The following CPQ variants were observed in gnomAD, a reference collection of about 807,000 sequenced individuals.
CPQ encodes Ser-Met dipeptidase.
Under a neutral mutation model 45.7 loss-of-function variants are expected in CPQ, and 37 were observed. The ratio of observed to expected loss-of-function variants is 0.81; its 90% CI spans 0.62 to 1.07. The LOEUF (loss-of-function observed/expected upper bound fraction) is 1.07, where lower values mean the gene tolerates loss of function less well. CPQ is among the 50% of genes least tolerant of loss of function. The probability of loss-of-function intolerance (pLI) is 0.00; values close to 1 mark genes in which losing one functional copy is unlikely to be tolerated. For missense variants in CPQ, 537 were observed against 572.9 expected (o/e 0.94, Z 0.64); for synonymous variants, 186 against 205.8 (o/e 0.90, Z 0.82).
At chr8:96,978,206 C>T (rs544619442) in intron 5 of CPQ, among the ~76,000 whole-genome samples, 2 of 152,134 alleles carry the variant, frequency 1.3e-5, no homozygotes, top group South Asian at 4.1e-4. Context: ...TTGCTGAGAG[C>T]TTTTCCTAAG....
chr8:96,959,071 A>G (rs1813407247), intron 4 of CPQ, among the ~76,000 whole-genome samples: 1 of 152,192 alleles, frequency 6.6e-6, no homozygotes. Flanking sequence ...GTTCAAACAT[A>G]GTCCCTTTTG....
At chr8:97,133,579 C>A (rs778864526) in intron 7 of CPQ, among the ~76,000 whole-genome samples, 3 of 152,094 alleles carry the variant, frequency 2.0e-5, no homozygotes, top group African/African-American at 4.8e-5. Flanking sequence ...AGATGTTACA[C>A]CATTTTAAAG....
intron 1 of CPQ, among the ~76,000 whole-genome samples, chr8:96,744,444 G>A (rs11780878): frequency 0.52 from 79,684 of 152,100 alleles, 22,300 homozygotes; most frequent in East Asian, 0.86. Flanking sequence ...CTTCTGCGTC[G>A]GTCATGCTGG....
intron 1 of CPQ, among the ~76,000 whole-genome samples, chr8:96,735,198 A>C (rs1309392686): frequency 6.6e-6 from 1 of 152,214 alleles, no homozygotes; most frequent in African/African-American, 2.4e-5. Context: ...CCACTGATGT[A>C]AGCTTCATAC....
chr8:96,872,782 A>C (rs184231963), intron 3 of CPQ, among the ~76,000 whole-genome samples: 2 of 151,934 alleles, frequency 1.3e-5, no homozygotes, highest in African/African-American at 4.8e-5. Context: ...GATGTTTACT[A>C]TGGGTTACAG....
At chr8:96,906,331 C>G (rs573465306) in intron 4 of CPQ, among the ~76,000 whole-genome samples, 2 of 152,186 alleles carry the variant, frequency 1.3e-5, no homozygotes, top group South Asian at 4.1e-4. Context: ...AAAAAATAAA[C>G]TGGATAAAAG....
Position 97,112,919 on chromosome 8 carries a change from CTAGG to C in CPQ, c.1256-30100_1256-30097del, listed in dbSNP as rs1406024942. The stretch of plus-strand genomic sequence containing the variant: ...GTTGGGAAGACTAGAAGCTGCAGAT[CTAGG>C]GACAGAGGGAAGCCATTTCGGGGAT... On this transcript the variant is annotated intron_variant, in intron 7 of 7. Transcript: ENST00000220763. 1.3e-4 allele frequency among the ~76,000 whole-genome samples: 20 copies of C among 152,324 alleles called. No homozygotes were observed. In the East Asian group the frequency reaches 3.5e-3, roughly 26 times the overall value.
chr8:96,835,291 G>T, intron 3 of CPQ, 111 bp downstream of exon 3: 1 of 848,660 alleles, frequency 1.2e-6, no homozygotes, highest in South Asian at 3.2e-5. Flanking sequence ...TATTGTTCAT[G>T]GAGTTTCCCC....
intron 1 of CPQ, among the ~76,000 whole-genome samples, chr8:96,772,012 G>T (rs755925066): frequency 1.3e-5 from 2 of 152,128 alleles, no homozygotes; most frequent in Non-Finnish European, 2.9e-5. Flanking sequence ...ATGCAGTAGA[G>T]TGTTATCAGA....
intron 1 of CPQ, among the ~76,000 whole-genome samples, chr8:96,722,278 C>CT (rs1159372732): frequency 6.6e-6 from 1 of 152,044 alleles, no homozygotes; most frequent in African/African-American, 2.4e-5. Flanking sequence ...TATGTCTTTA[C>CT]TTTTTGAGGC....
At chr8:97,062,903 T>G (rs976565283) in intron 6 of CPQ, among the ~76,000 whole-genome samples, 3 of 152,226 alleles carry the variant, frequency 2.0e-5, no homozygotes, top group African/African-American at 7.2e-5. Context: ...ATTCCATGTC[T>G]CTGTTATTGT....
intron 2 of CPQ, among the ~76,000 whole-genome samples, chr8:96,811,478 T>C (rs1811160917): frequency 6.6e-6 from 1 of 152,140 alleles, no homozygotes; most frequent in Non-Finnish European, 1.5e-5. Context: ...AGTGATATTA[T>C]AGATAATGTG....
chr8:96,753,007 T>C (rs1810281511), intron 1 of CPQ, among the ~76,000 whole-genome samples: 1 of 152,208 alleles, frequency 6.6e-6, no homozygotes, highest in Non-Finnish European at 1.5e-5. Flanking sequence ...TAAAATGTGG[T>C]AAATATTTAC....
chr8:96,723,140 C>G (rs1809787884), intron 1 of CPQ, among the ~76,000 whole-genome samples: 1 of 152,070 alleles, frequency 6.6e-6, no homozygotes, highest in African/African-American at 2.4e-5. Flanking sequence ...TTTTATTTTA[C>G]AGATACCATA....
intron 4 of CPQ, among the ~76,000 whole-genome samples, chr8:96,909,203 C>T (rs974476109): frequency 6.6e-6 from 1 of 151,904 alleles, no homozygotes; most frequent in South Asian, 2.1e-4. Context: ...GGATATAAAA[C>T]TTTGTTATGG....
At chr8:96,762,748 C>T (rs1013405000) in intron 1 of CPQ, among the ~76,000 whole-genome samples, 1 of 152,062 alleles carries the variant, frequency 6.6e-6, no homozygotes, top group Admixed American at 6.6e-5. Flanking sequence ...CCTCAATGAA[C>T]CGTAGTTTTA....
chr8:97,016,101 A>G (rs1006818099), intron 5 of CPQ, among the ~76,000 whole-genome samples: 1 of 152,156 alleles, frequency 6.6e-6, no homozygotes, highest in African/African-American at 2.4e-5. Flanking sequence ...AAAATAAAAT[A>G]ATTAAAGAGA....
chr8:96,873,080 G>A (rs1368611283), intron 3 of CPQ, among the ~76,000 whole-genome samples: 1 of 151,708 alleles, frequency 6.6e-6, no homozygotes, highest in Non-Finnish European at 1.5e-5. Flanking sequence ...CCTTTACTTT[G>A]GAAGAAGCTA....
chr8:96,926,576 C>CTCTTCCTCTTCCTCTTCTTCTTCT (rs1445697100), intron 4 of CPQ, among the ~76,000 whole-genome samples: 232 of 74,954 alleles, frequency 3.1e-3, no homozygotes, highest in African/African-American at 4.7e-3. Context: ...CTTCCTCTTC[C>CTCTTCCTCTTCCTCTTCTTCTTCT]TCTTCTTCTT....
Sources: gnomAD v4.1 joint callset for allele counts (sites outside exome capture counted in the v4.1 genomes callset) on GRCh38, gnomAD v4.1.1 for gene constraint, MANE v1.5 for transcripts, NCBI Gene and HGNC (gene_info 2026-07-23, HGNC 2026-07-21) for gene names.